WDR49: variants seen among roughly 807,000 people sequenced by gnomAD.
WDR49 encodes cilia- and flagella-associated protein 337.
In WDR49, 107 loss-of-function variants were observed where a neutral mutation model predicts 119.5. The observed-to-expected ratio is 0.90, with a 90% CI of 0.77 to 1.05. The LOEUF (loss-of-function observed/expected upper bound fraction) is 1.05, where lower values mean the gene tolerates loss of function less well. WDR49 is among the 50% of genes least tolerant of loss of function. The probability of loss-of-function intolerance (pLI) is 0.00; values close to 1 mark genes in which losing one functional copy is unlikely to be tolerated. For synonymous variants in WDR49, 425 were observed against 418.8 expected (o/e 1.01, Z -0.18); for missense variants, 1,240 against 1,220.5 (o/e 1.02, Z -0.24).
At chr3:167,639,384 C>A (rs1487995970) in intron 2 of WDR49, among the ~76,000 whole-genome samples, 1 of 151,640 alleles carries the variant, frequency 6.6e-6, no homozygotes, top group Non-Finnish European at 1.5e-5. Flanking sequence ...GAAAAGACTT[C>A]TCTGAGGTCA....
upstream of WDR49, among the ~76,000 whole-genome samples, chr3:167,654,618 G>A (rs1056403563): frequency 3.9e-5 from 6 of 152,170 alleles, no homozygotes; most frequent in South Asian, 6.2e-4. Context: ...GCAAAAAGCC[G>A]GGCAAGGTGG....
chr3:167,626,655 G>A (rs1011396123), intron 3 of WDR49, among the ~76,000 whole-genome samples, 197 bp downstream of exon 3: 4 of 151,972 alleles, frequency 2.6e-5, no homozygotes, highest in African/African-American at 9.7e-5. Flanking sequence ...ATTGAAGACA[G>A]AGCCAGGAAT....
intron 7 of WDR49, among the ~76,000 whole-genome samples, chr3:167,595,630 A>C (rs541598875): frequency 5.6e-4 from 86 of 152,352 alleles, no homozygotes; most frequent in African/African-American, 2.0e-3. Context: ...AGGATTCCCT[A>C]TTTAATAAAT....
chr3:167,586,418 A>G (rs1577257293), intron 7 of WDR49, among the ~76,000 whole-genome samples: 1 of 152,322 alleles, frequency 6.6e-6, no homozygotes, highest in East Asian at 1.9e-4. Flanking sequence ...CTCTTTAATC[A>G]CCACTGGAAA....
Position 167,479,000 on chromosome 3 carries a change from C to G in WDR49, c.3032-4G>C, listed in dbSNP as rs1285689393. 1 of 1,567,284 alleles carries G rather than the reference C, an allele frequency of 6.4e-7. No individual in the cohort carries two copies. Among genetic ancestry groups the G allele is most frequent in the South Asian group, 1.2e-5 (1 of 85,196 alleles). Reference sequence around the variant, plus strand: ...TCATCAAATACAGCTTTCAAAGCTACAAAATGATGAGGAAAATCACAAGTG... The same window carrying G: ...TCATCAAATACAGCTTTCAAAGCTAGAAAATGATGAGGAAAATCACAAGTG... On this transcript the variant is annotated splice_polypyrimidine_tract_variant and splice_region_variant and intron_variant, in intron 18 of 18. Coordinates refer to ENST00000682715, the MANE Select transcript of WDR49 (RefSeq NM_001366157.1).
intron 5 of WDR49, among the ~76,000 whole-genome samples, chr3:167,611,077 A>G (rs1479874949): frequency 1.3e-5 from 2 of 152,220 alleles, no homozygotes; most frequent in Non-Finnish European, 2.9e-5. Flanking sequence ...TGTGTAAACT[A>G]CTCTTATCTG....
chr3:167,634,225 T>C (rs1267964732), intron 2 of WDR49, among the ~76,000 whole-genome samples: 1 of 152,006 alleles, frequency 6.6e-6, no homozygotes, highest in East Asian at 1.9e-4. Context: ...CTCATGCCTC[T>C]GTTAGAACTC....
rs188948901 is a variant in WDR49 at position 167,504,542 on chromosome 3, T to C, written c.2884+765A>G. The stretch of plus-strand genomic sequence containing the variant: ...TCTTGAAAGTAAATGACTTTTTTAT[T>C]TTACAGGCTTATAGGTGGAAGCAGC... On this transcript the variant is annotated intron_variant, in intron 17 of 18. Coordinates refer to ENST00000682715, the MANE Select transcript of WDR49 (RefSeq NM_001366157.1). 3.6e-3 allele frequency among the ~76,000 whole-genome samples: 553 copies of C among 152,322 alleles called. 2 individuals are homozygous for C. Among genetic ancestry groups the C allele is most frequent in the Non-Finnish European group, 5.3e-3 (359 of 68,024 alleles).
intron 7 of WDR49, among the ~76,000 whole-genome samples, chr3:167,587,087 T>C (rs1356296804): frequency 1.3e-5 from 2 of 152,194 alleles, no homozygotes; most frequent in African/African-American, 2.4e-5. Flanking sequence ...TTGATAGTTA[T>C]ACTGTTTCAT....
intron 16 of WDR49, among the ~76,000 whole-genome samples, chr3:167,510,763 C>G (rs1481348712): frequency 6.6e-6 from 1 of 151,982 alleles, no homozygotes; most frequent in Non-Finnish European, 1.5e-5. Context: ...AGCTTTAAGA[C>G]ACTTAATTTT....
rs1034145559 is a variant in WDR49, at chr3:167,545,771, T to C, written c.1824-8771A>G. Among the ~76,000 whole-genome samples, 3 of 150,504 alleles carry C rather than the reference T, an allele frequency of 2.0e-5. No individual in the cohort carries two copies. The Admixed American group carries it at 2.0e-4, about 10-fold the overall frequency. ...GCACATTGGGAACAGTGAACACTGC[T>C]TGTGTGATGGGTACACCAAAATCTC... is the stretch of plus-strand genomic sequence containing the variant. On this transcript the variant is annotated intron_variant, in intron 10 of 18. Coordinates refer to ENST00000682715, the MANE Select transcript of WDR49 (RefSeq NM_001366157.1).
intron 16 of WDR49, among the ~76,000 whole-genome samples, chr3:167,520,110 G>A: frequency 6.6e-6 from 1 of 151,042 alleles, no homozygotes; most frequent in South Asian, 2.1e-4. Flanking sequence ...CAAACTGGGT[G>A]TGGTGGCATG....
At chr3:167,632,622 C>G (rs1218002100) in intron 2 of WDR49, among the ~76,000 whole-genome samples, 1 of 151,924 alleles carries the variant, frequency 6.6e-6, no homozygotes, top group African/African-American at 2.4e-5. Context: ...GTTATTAATT[C>G]TATCATATGC....
chr3:167,612,377 A>T (rs1251412924), intron 5 of WDR49, among the ~76,000 whole-genome samples: 2 of 151,822 alleles, frequency 1.3e-5, no homozygotes, highest in Non-Finnish European at 2.9e-5. Flanking sequence ...CAAAAAAAAA[A>T]GGAACTACTT....
chr3:167,600,268 T>C (rs1215129631), intron 7 of WDR49, among the ~76,000 whole-genome samples: 1 of 151,848 alleles, frequency 6.6e-6, no homozygotes, highest in Admixed American at 6.6e-5. Flanking sequence ...GTAAGTCATG[T>C]CCCCCCACAC....
chr3:167,534,296 C>T (rs1253847517), intron 11 of WDR49, among the ~76,000 whole-genome samples: 1 of 152,118 alleles, frequency 6.6e-6, no homozygotes, highest in African/African-American at 2.4e-5. Flanking sequence ...TTCTCCTATG[C>T]TTTACTAGCA....
At chr3:167,607,216 G>A (rs990317188) in intron 5 of WDR49, among the ~76,000 whole-genome samples, 2 of 152,032 alleles carry the variant, frequency 1.3e-5, no homozygotes, top group African/African-American at 2.4e-5. Flanking sequence ...TAGACTTTAC[G>A]GCTACCTTTG....
chr3:167,633,787 A>G (rs1577291597), intron 2 of WDR49, among the ~76,000 whole-genome samples: 1 of 151,526 alleles, frequency 6.6e-6, no homozygotes, highest in Non-Finnish European at 1.5e-5. Flanking sequence ...GACACATAAC[A>G]TTTGTATTCC....
At chr3:167,576,226 T>G in intron 7 of WDR49, 75 bp from the exon 8 acceptor site, 3 of 1,235,658 alleles carry the variant, frequency 2.4e-6, no homozygotes, top group Non-Finnish European at 3.4e-6. Flanking sequence ...TTTTTCTAGC[T>G]CACCCTCAAT....
Sources: allele counts gnomAD v4.1 joint callset (sites outside exome capture counted in the v4.1 genomes callset), GRCh38; gene constraint gnomAD v4.1.1; transcripts MANE v1.5; gene names NCBI Gene and HGNC (gene_info 2026-07-23, HGNC 2026-07-21).